DOCK9: variants seen among roughly 807,000 people sequenced by gnomAD.
DOCK9 encodes dedicator of cytokinesis 9.
DOCK9 carries 89 observed loss-of-function variants against 263.3 expected under a neutral mutation model. The ratio of observed to expected loss-of-function variants is 0.34; its 90% CI spans 0.28 to 0.40. The LOEUF (loss-of-function observed/expected upper bound fraction) is 0.40, where lower values mean the gene tolerates loss of function less well. DOCK9 is among the 10% of genes least tolerant of loss of function. The probability of loss-of-function intolerance (pLI) is 1.00; values close to 1 mark genes in which losing one functional copy is unlikely to be tolerated. For missense variants in DOCK9, 2,140 were observed against 2,603.4 expected (o/e 0.82, Z 3.87); for synonymous variants, 976 against 973.1 (o/e 1.00, Z -0.06).
intron 2 of DOCK9, among the ~76,000 whole-genome samples, chr13:98,946,935 C>T (rs1157648153): frequency 2.0e-5 from 3 of 152,168 alleles, no homozygotes; most frequent in Non-Finnish European, 4.4e-5. Context: ...CTCTGCTTCC[C>T]CTGCTTTTTC....
rs774466866 is a variant in DOCK9, at chr13:98,897,465, G to C, written c.1709+23C>G. 9 of 1,612,074 alleles carry C rather than the reference G, an allele frequency of 5.6e-6. No individual in the cohort carries two copies. In the South Asian group the frequency reaches 9.9e-5, roughly 18 times the overall value. On this transcript the variant is annotated intron_variant, in intron 15 of 52. Coordinates refer to ENST00000682017, the MANE Select transcript of DOCK9 (RefSeq NM_001366683.2). ...TACACAGCTTCTATTTTTCAGGTGTGGAAATAAGACCTTGAAACTCACTTC... is the reference window on the plus strand; with the variant it reads ...TACACAGCTTCTATTTTTCAGGTGTCGAAATAAGACCTTGAAACTCACTTC...
At chr13:99,074,307 G>A (rs2041817964) in intron 1 of DOCK9, among the ~76,000 whole-genome samples, 1 of 152,186 alleles carries the variant, frequency 6.6e-6, no homozygotes, top group Non-Finnish European at 1.5e-5. Flanking sequence ...TGTTTCCTAG[G>A]AGCGCTTCCA....
chr13:98,854,564 T>G (rs1190742155), intron 34 of DOCK9: 1 of 152,076 alleles, frequency 6.6e-6, no homozygotes, highest in Non-Finnish European at 1.5e-5. Context: ...GAGAACTTAG[T>G]ACTTCCGGCA....
chr13:99,025,047 C>G (rs538691931), intron 1 of DOCK9, among the ~76,000 whole-genome samples: 5 of 152,210 alleles, frequency 3.3e-5, no homozygotes, highest in African/African-American at 1.2e-4. Context: ...CTTTTATATA[C>G]AGCCAGTTGG....
At chr13:98,798,577 T>C (rs1229062634) in intron 50 of DOCK9, among the ~76,000 whole-genome samples, 3 of 152,144 alleles carry the variant, frequency 2.0e-5, no homozygotes, top group Non-Finnish European at 4.4e-5. Context: ...GGTCTGTATT[T>C]GAAGAAGATA....
intron 38 of DOCK9, among the ~76,000 whole-genome samples, chr13:98,842,131 A>G (rs2093243352): frequency 6.6e-6 from 1 of 152,164 alleles, no homozygotes; most frequent in African/African-American, 2.4e-5. Context: ...GATCACCTAT[A>G]TTCATTTTCC....
chr13:98,799,303 C>A (rs2139888057), intron 50 of DOCK9, among the ~76,000 whole-genome samples: 1 of 152,166 alleles, frequency 6.6e-6, no homozygotes, highest in East Asian at 1.9e-4. Flanking sequence ...ATAAACATAC[C>A]CTTCTTGAAA....
At chr13:98,996,022 T>C (rs1277938862) in intron 1 of DOCK9, among the ~76,000 whole-genome samples, 1 of 152,164 alleles carries the variant, frequency 6.6e-6, no homozygotes, top group Non-Finnish European at 1.5e-5. Context: ...TTGTTAGCCA[T>C]GGCAGGCATA....
At chr13:98,932,176 T>G (rs537532499) in intron 2 of DOCK9, among the ~76,000 whole-genome samples, 1 of 151,966 alleles carries the variant, frequency 6.6e-6, no homozygotes, top group South Asian at 2.1e-4. Context: ...GTGGATAACT[T>G]GAGGTCAGGA....
At chr13:98,816,825 C>T (rs970865770) in intron 45 of DOCK9, among the ~76,000 whole-genome samples, 2 of 151,790 alleles carry the variant, frequency 1.3e-5, no homozygotes, top group African/African-American at 4.8e-5. Context: ...CAGCACAGCA[C>T]GGGAGGATTT....
rs751674820 is a variant in DOCK9 at position 98,856,051 on chromosome 13, A to G, written c.3698-20T>C. 6.2e-7 allele frequency: 1 copy of G among 1,613,124 alleles called. No individual in the cohort carries two copies. Among genetic ancestry groups the G allele is most frequent in the South Asian group, 1.1e-5 (1 of 90,988 alleles). The stretch of plus-strand genomic sequence containing the variant: ...GAGAAGCTAAATGGAAATCAAGCCA[A>G]CAATAAAGTTTTATTAAGACAGAAC... On this transcript the variant is annotated intron_variant, in intron 33 of 52. Transcript: ENST00000682017.
chr13:98,902,829 T>C, intron 11 of DOCK9, 143 bp downstream of exon 11: 3 of 880,876 alleles, frequency 3.4e-6, no homozygotes, highest in South Asian at 1.9e-5. Flanking sequence ...CCTTGCAGGC[T>C]AACAACCTCC....
chr13:98,944,320 A>C (rs1037993934), intron 2 of DOCK9, among the ~76,000 whole-genome samples: 1 of 144,930 alleles, frequency 6.9e-6, no homozygotes, highest in Non-Finnish European at 1.5e-5. Flanking sequence ...CTACCCACTT[A>C]ATCCTAGGTT....
intron 2 of DOCK9, among the ~76,000 whole-genome samples, chr13:98,937,130 T>C (rs1158642497): frequency 6.6e-6 from 1 of 152,226 alleles, no homozygotes; most frequent in African/African-American, 2.4e-5. Context: ...TGGGCATTCA[T>C]AGCATACCAG....
intron 45 of DOCK9, among the ~76,000 whole-genome samples, chr13:98,818,498 G>A (rs1330266824): frequency 2.6e-5 from 4 of 152,086 alleles, no homozygotes; most frequent in Admixed American, 2.6e-4. Flanking sequence ...CATATGGAGT[G>A]CCTGATGGTT....
intron 43 of DOCK9, among the ~76,000 whole-genome samples, chr13:98,828,861 T>C (rs904352911): frequency 1.3e-5 from 2 of 152,144 alleles, no homozygotes; most frequent in Admixed American, 1.3e-4. Context: ...AGTCTACATA[T>C]TGAAACACGT....
Position 98,888,149 on chromosome 13 carries a change from A to C in DOCK9, c.2043+9T>G, listed in dbSNP as rs1216587805. On this transcript the variant is annotated intron_variant, in intron 18 of 52. Transcript: ENST00000682017. ...TTCGTAGGTGAACATATATTAAAAA[A>C]AAACAAACCTTAAGGGGCTGAGAGT... 6.3e-6 allele frequency: 10 copies of C among 1,580,398 alleles called. No individual in the cohort carries two copies. In the South Asian group the frequency reaches 1.2e-4, roughly 19 times the overall value.
chr13:98,794,539 C>A lies in DOCK9; in HGVS notation c.*87G>T. On this transcript the variant is annotated 3_prime_UTR_variant, in exon 53 of 53. Transcript: ENST00000682017. ...CCCCTTCCCCTTGGTCCTCCCTGTG[C>A]TCGGTCTCCCCAGTGATTGGCTTTG... is the stretch of plus-strand genomic sequence containing the variant. 1.4e-6 allele frequency: 2 copies of A among 1,434,274 alleles called. No individual in the cohort carries two copies. Among genetic ancestry groups the A allele is most frequent in the South Asian group, 1.4e-5 (1 of 72,786 alleles). The allele number at this position is 1,434,274 out of a possible 1,614,324, so 88.8% of individuals were successfully genotyped here. A position where few individuals can be genotyped will look rare whatever the true frequency, so the allele number is the denominator to read the frequency against.
At chr13:98,887,670 C>G (rs1391863658) in intron 18 of DOCK9, among the ~76,000 whole-genome samples, 1 of 116,312 alleles carries the variant, frequency 8.6e-6, no homozygotes, top group Non-Finnish European at 1.8e-5. Context: ...ACTCAAAAGA[C>G]TACTGAGAAC....
Sources: gnomAD v4.1 joint callset for allele counts (sites outside exome capture counted in the v4.1 genomes callset) on GRCh38, gnomAD v4.1.1 for gene constraint, MANE v1.5 for transcripts, NCBI Gene and HGNC (gene_info 2026-07-23, HGNC 2026-07-21) for gene names.